ARHGAP39: variants seen among roughly 807,000 people sequenced by gnomAD.
The protein encoded by ARHGAP39 is rho GTPase-activating protein 39.
Under a neutral mutation model 106.9 loss-of-function variants are expected in ARHGAP39, and 44 were observed. The ratio of observed to expected loss-of-function variants is 0.41; its 90% CI spans 0.32 to 0.53. The LOEUF (loss-of-function observed/expected upper bound fraction) is 0.53. ARHGAP39 is among the 20% of genes least tolerant of loss of function. The pLI is 0.21. For missense variants in ARHGAP39, 1,496 were observed against 1,577.3 expected (o/e 0.95, Z 0.87); for synonymous variants, 768 against 693.2 (o/e 1.11, Z -1.69).
rs1822096391 is a variant in ARHGAP39 at position 144,671,371 on chromosome 8, G to GA, written c.-82+14314dup. Among the ~76,000 whole-genome samples, 1 of 152,262 alleles carries GA rather than the reference G, an allele frequency of 6.6e-6. No homozygotes were observed. Among genetic ancestry groups the GA allele is most frequent in the Non-Finnish European group, 1.5e-5 (1 of 68,046 alleles). On this transcript the variant is annotated intron_variant, in intron 1 of 11. Coordinates refer to ENST00000377307, the MANE Select transcript of ARHGAP39 (RefSeq NM_025251.3). The surrounding 1 kb of genome is among the most constrained non-coding windows in gnomAD (Gnocchi z 4.5). ...AAATGAACGAATAAAGCTGGAGTTA[G>GA]AAAGAAGCTATTGCCAACCCTTTCA...
At chr8:144,661,548 C>A (rs1821823081) in intron 1 of ARHGAP39, among the ~76,000 whole-genome samples, 1 of 152,098 alleles carries the variant, frequency 6.6e-6, no homozygotes, top group African/African-American at 2.4e-5. Context: ...CCCTTTCTCC[C>A]CTCCCAATCC....
chr8:144,669,539 C>CAAAAAAAAAAAAAA (rs1822049434), intron 1 of ARHGAP39, among the ~76,000 whole-genome samples: 1 of 140,450 alleles, frequency 7.1e-6, no homozygotes, highest in African/African-American at 2.8e-5. Flanking sequence ...ATAAAAATTC[C>CAAAAAAAAAAAAAA]AAGGCCTTAT....
At chr8:144,575,031 C>T (rs770565969) in intron 3 of ARHGAP39, among the ~76,000 whole-genome samples, 2 of 152,094 alleles carry the variant, frequency 1.3e-5, no homozygotes, top group Non-Finnish European at 2.9e-5. Context: ...ATTACTGTGC[C>T]GAATGCTAAA....
intron 3 of ARHGAP39, among the ~76,000 whole-genome samples, chr8:144,556,326 G>A (rs568585606): frequency 3.7e-4 from 56 of 151,010 alleles, no homozygotes; most frequent in African/African-American, 1.3e-3. Flanking sequence ...TGGAGACTGT[G>A]ACTGCTGAAG....
intron 3 of ARHGAP39, among the ~76,000 whole-genome samples, chr8:144,575,613 A>G (rs1818743065): frequency 6.6e-6 from 1 of 152,102 alleles, no homozygotes; most frequent in African/African-American, 2.4e-5. Flanking sequence ...ACCTCCTGAG[A>G]CAACAGCGCC....
chr8:144,623,333 A>G (rs150219651), intron 1 of ARHGAP39, among the ~76,000 whole-genome samples: 163 of 152,372 alleles, frequency 1.1e-3, no homozygotes, highest in African/African-American at 3.8e-3. Flanking sequence ...AAATTTAAAT[A>G]TAATAATTAC....
chr8:144,570,342 A>C (rs898404106), intron 3 of ARHGAP39, among the ~76,000 whole-genome samples: 5 of 152,268 alleles, frequency 3.3e-5, no homozygotes, highest in Admixed American at 1.3e-4. Context: ...CAATCCTGCC[A>C]AACAAAAGAC....
At chr8:144,543,057 C>A (rs547321015) in intron 6 of ARHGAP39, among the ~76,000 whole-genome samples, 20 of 151,974 alleles carry the variant, frequency 1.3e-4, no homozygotes, top group African/African-American at 4.3e-4. Flanking sequence ...GCAGACTTAA[C>A]CTCCTGGGCT....
chr8:144,577,749 A>G (rs1818829045), intron 3 of ARHGAP39, among the ~76,000 whole-genome samples: 1 of 152,252 alleles, frequency 6.6e-6, no homozygotes, highest in African/African-American at 2.4e-5. Context: ...CCAGAAACAA[A>G]CAAACAAAAA....
rs968057083 is a variant in ARHGAP39, at chr8:144,604,305, G to A, written c.80+1230C>T. Among the ~76,000 whole-genome samples, 14 of 152,178 alleles carry A rather than the reference G, an allele frequency of 9.2e-5. No individual in the cohort carries two copies. Among genetic ancestry groups the A allele is most frequent in the Admixed American group, 7.2e-4 (11 of 15,284 alleles). ...CAGTGTCTGCAGATGCGGGGCCCGGGAGGACCCAACACCACCTGTATGGCA... is the reference window on the plus strand; with the variant it reads ...CAGTGTCTGCAGATGCGGGGCCCGGAAGGACCCAACACCACCTGTATGGCA... On this transcript the variant is annotated intron_variant, in intron 2 of 11. Transcript: ENST00000377307. The surrounding 1 kb of genome is among the most constrained non-coding windows in gnomAD (Gnocchi z 4.1).
At position 144,645,050 on chromosome 8, in the gene ARHGAP39, C is replaced by T. The variant is rs573431217; in HGVS notation, c.-81-39355G>A. Among the ~76,000 whole-genome samples the T allele has an allele frequency of 6.6e-6, 1 of 152,336 alleles. No individual in the cohort carries two copies. Among genetic ancestry groups the T allele is most frequent in the African/African-American group, 2.4e-5 (1 of 41,578 alleles). ...CAGAGAGCACATGTCAACCGCAGTC[C>T]CCGTGTTATCCAGGAGGAAGCGAAG... On this transcript the variant is annotated intron_variant, in intron 1 of 11. Transcript: ENST00000377307. The surrounding 1 kb of genome is among the most constrained non-coding windows in gnomAD (Gnocchi z 4.4).
chr8:144,543,623 G>A (rs1342481960), intron 6 of ARHGAP39, among the ~76,000 whole-genome samples: 2 of 152,260 alleles, frequency 1.3e-5, no homozygotes, highest in Admixed American at 6.5e-5. Context: ...TGAAGCCACG[G>A]CCGCCCAGGC....
chr8:144,627,838 C>T (rs934679365), intron 1 of ARHGAP39, among the ~76,000 whole-genome samples: 1 of 152,256 alleles, frequency 6.6e-6, no homozygotes, highest in Non-Finnish European at 1.5e-5. Context: ...GACCTCCCTG[C>T]ACCCTGGACC....
chr8:144,684,094 G>A lies in ARHGAP39; in HGVS notation c.-82+1592C>T, dbSNP rs1402652349. Among the ~76,000 whole-genome samples, 2 of 152,152 alleles carry A rather than the reference G, an allele frequency of 1.3e-5. No individual in the cohort carries two copies. Among genetic ancestry groups the A allele is most frequent in the African/African-American group, 4.8e-5 (2 of 41,430 alleles). On this transcript the variant is annotated intron_variant, in intron 1 of 11. Transcript: ENST00000377307. The surrounding 1 kb of genome is among the most constrained non-coding windows in gnomAD (Gnocchi z 4.4). ...AACAGAAGAGTCGCGACTCAGAGGC[G>A]GGCAGCCTGGCTCCAGAACCCGCCC...
chr8:144,530,506 G>A lies in ARHGAP39; in HGVS notation c.3261C>T (p.Ile1087=). The A allele has an allele frequency of 6.2e-7, 1 of 1,612,076 alleles. No homozygotes were observed. Among genetic ancestry groups the A allele is most frequent in the Non-Finnish European group, 8.5e-7 (1 of 1,179,670 alleles). The part of the protein sequence containing the change: ...LRCQSDDPRV[I]FENTRKEMSF... ...ACATCTCCTTGCGGGTGTTCTCGAA[G>A]ATGACGCGCGGGTCGTCGGACTGGC... The change falls in exon 12 of 12, where the codon ATC becomes ATT. Residue 1087 remains isoleucine, a synonymous_variant. Coordinates refer to ENST00000377307, the MANE Select transcript of ARHGAP39 (RefSeq NM_025251.3).
chr8:144,610,046 T>C (rs2130953533), intron 1 of ARHGAP39, among the ~76,000 whole-genome samples: 1 of 152,362 alleles, frequency 6.6e-6, no homozygotes, highest in Non-Finnish European at 1.5e-5. Context: ...CTTACGTGAG[T>C]ATGAATGGTT....
Position 144,530,767 on chromosome 8 carries a change from C to T in ARHGAP39, c.3085G>A (p.Ala1029Thr), listed in dbSNP as rs765828371. 6 of 1,610,994 alleles carry T rather than the reference C, an allele frequency of 3.7e-6. No individual in the cohort carries two copies. In the South Asian group the frequency reaches 6.6e-5, roughly 18 times the overall value. Residue 1029 changes from alanine (A) to threonine (T), a missense_variant, in exon 11 of 12, where the codon GCC becomes ACC. Around this residue, in one of 4 missense-constraint regions of ARHGAP39, gnomAD observed 470 missense variants for 605.1 expected, o/e 0.78. Coordinates refer to ENST00000377307, the MANE Select transcript of ARHGAP39 (RefSeq NM_025251.3). Reference sequence around the variant, plus strand: ...ATGCGGGGCAGCGCGTGCACCACGGCCACCGCCGCCTCGGGGCTGTCGTAG... The same window carrying T: ...ATGCGGGGCAGCGCGTGCACCACGGTCACCGCCGCCTCGGGGCTGTCGTAG... ...AHYDSPEAAVAVVHALPRINR... is the reference protein window; with the variant it reads ...AHYDSPEAAVTVVHALPRINR...
intron 2 of ARHGAP39, among the ~76,000 whole-genome samples, chr8:144,595,003 T>C (rs1166198288): frequency 6.6e-6 from 1 of 151,762 alleles, no homozygotes; most frequent in Non-Finnish European, 1.5e-5. Flanking sequence ...GATTGCACCT[T>C]CGCACTCCAG....
At chr8:144,601,187 C>A (rs562602454) in intron 2 of ARHGAP39, among the ~76,000 whole-genome samples, 235 of 133,152 alleles carry the variant, frequency 1.8e-3, no homozygotes, top group African/African-American at 6.4e-3. Context: ...CGTGCAAGCT[C>A]GTGTACCTGT....
Sources: allele counts gnomAD v4.1 joint callset (sites outside exome capture counted in the v4.1 genomes callset), GRCh38; gene constraint gnomAD v4.1.1; regional missense constraint gnomAD v4.1.1; non-coding constraint Gnocchi (gnomAD v3.1); transcripts MANE v1.5; gene names NCBI Gene and HGNC (gene_info 2026-07-23, HGNC 2026-07-21).